CAPZB: variants seen among roughly 807,000 people sequenced by gnomAD.
CAPZB encodes the protein capping actin protein of muscle Z-line subunit beta, also known as F-actin-capping protein subunit beta.
CAPZB carries 2 observed loss-of-function variants against 38.1 expected under a neutral mutation model. That is an observed-to-expected ratio of 0.05 (90% CI 0.02 to 0.17). The LOEUF (loss-of-function observed/expected upper bound fraction) is 0.17. CAPZB is among the 10% of genes least tolerant of loss of function. CAPZB has a pLI of 1.00. For missense variants in CAPZB, 161 were observed against 334.2 expected (o/e 0.48, Z 4.04); for synonymous variants, 107 against 127.4 (o/e 0.84, Z 1.08).
chr1:19,476,992 G>A (rs1338662236), intron 1 of CAPZB, among the ~76,000 whole-genome samples: 1 of 152,198 alleles, frequency 6.6e-6, no homozygotes, highest in Non-Finnish European at 1.5e-5. Context: ...ACTAGCTGGG[G>A]GCCCTTCAGC....
chr1:19,410,549 C>T (rs1197658942), intron 2 of CAPZB, among the ~76,000 whole-genome samples: 1 of 152,154 alleles, frequency 6.6e-6, no homozygotes, highest in African/African-American at 2.4e-5. Context: ...CAACTGAGCC[C>T]GGGTTCCCCA....
At chr1:19,411,098 C>T (rs1237782517) in intron 2 of CAPZB, among the ~76,000 whole-genome samples, 1 of 152,138 alleles carries the variant, frequency 6.6e-6, no homozygotes, top group Non-Finnish European at 1.5e-5. Context: ...AATCCCAGAA[C>T]TTTGGGAGGC....
chr1:19,381,978 A>G (rs1489495878), intron 3 of CAPZB, among the ~76,000 whole-genome samples: 5 of 152,058 alleles, frequency 3.3e-5, no homozygotes. Context: ...GAGGGTGTGG[A>G]GCTGAATTCC....
intron 1 of CAPZB, among the ~76,000 whole-genome samples, chr1:19,449,909 G>C (rs1176155333): frequency 6.6e-6 from 1 of 152,038 alleles, no homozygotes; most frequent in Middle Eastern, 3.4e-3. Context: ...GAGGGGCTGA[G>C]TCAGGAGAAT....
chr1:19,383,146 G>A (rs1380365167), intron 3 of CAPZB, among the ~76,000 whole-genome samples: 2 of 150,892 alleles, frequency 1.3e-5, no homozygotes, highest in Non-Finnish European at 3.0e-5. Flanking sequence ...GAGAGAAAAA[G>A]TCAAAAAAAT....
Position 19,448,827 on chromosome 1 carries a change from G to A in CAPZB, c.4-29077C>T, listed in dbSNP as rs754632513. On this transcript the variant is annotated intron_variant, in intron 1 of 8. Transcript: ENST00000264202. Reference sequence around the variant, plus strand: ...TCCTCCCCCCTCAGATCTAAAGTGCGTGTCACCTTTCTAGGTTCTGGGTCA... The same window carrying A: ...TCCTCCCCCCTCAGATCTAAAGTGCATGTCACCTTTCTAGGTTCTGGGTCA... 2.1e-5 allele frequency: 34 copies of A among 1,612,644 alleles called. 1 individual carries two copies. In the South Asian group the frequency reaches 2.9e-4, roughly 14 times the overall value.
At chr1:19,456,282 A>C (rs956407860) in intron 1 of CAPZB, among the ~76,000 whole-genome samples, 9 of 152,260 alleles carry the variant, frequency 5.9e-5, no homozygotes, top group African/African-American at 2.2e-4. Flanking sequence ...TGAAGAGAGA[A>C]GCAAGAGCTT....
Position 19,454,602 on chromosome 1 carries a change from G to A in CAPZB, c.3+30834C>T, listed in dbSNP as rs58240955. 9.8e-3 allele frequency among the ~76,000 whole-genome samples: 1,499 copies of A among 152,284 alleles called. 59 individuals carry two copies. The East Asian group carries it at 0.12, about 12-fold the overall frequency. On this transcript the variant is annotated intron_variant, in intron 1 of 8. Coordinates refer to ENST00000264202, the MANE Select transcript of CAPZB (RefSeq NM_004930.5). ...TGACAATTGTGGAAACCGAGGCTCA[G>A]TGACCTGAGGGACTTGCCTAGGGCC...
At chr1:19,361,546 G>A (rs1447648957) in intron 4 of CAPZB, among the ~76,000 whole-genome samples, 2 of 152,264 alleles carry the variant, frequency 1.3e-5, no homozygotes, top group Non-Finnish European at 2.9e-5. Flanking sequence ...ACTGCAGGGC[G>A]CACAGACAGC....
chr1:19,386,736 A>T (rs2094206310), intron 2 of CAPZB, among the ~76,000 whole-genome samples: 1 of 152,206 alleles, frequency 6.6e-6, no homozygotes, highest in African/African-American at 2.4e-5. Context: ...GGTGCTTTAG[A>T]ACTCAGCTTG....
rs892192737 is a variant in CAPZB at position 19,350,415 on chromosome 1, C to A, written c.589-5163G>T. On this transcript the variant is annotated intron_variant, in intron 6 of 8. Transcript: ENST00000264202. ...GCACAGCTCCATCCCCAGCACTCTT[C>A]TGGCCTCTGGCATCCTCCTGGTCAC... 4.6e-5 allele frequency among the ~76,000 whole-genome samples: 7 copies of A among 152,394 alleles called. 1 individual carries two copies. The South Asian group carries it at 1.4e-3, about 32-fold the overall frequency.
intron 2 of CAPZB, among the ~76,000 whole-genome samples, chr1:19,405,370 C>T (rs1356332695): frequency 1.3e-5 from 2 of 151,922 alleles, no homozygotes; most frequent in Non-Finnish European, 2.9e-5. Context: ...GCTTTCAGTG[C>T]GTTAGATAAA....
chr1:19,354,269 T>TCACTGA (rs1305724035), intron 6 of CAPZB, among the ~76,000 whole-genome samples: 1 of 152,222 alleles, frequency 6.6e-6, no homozygotes, highest in Non-Finnish European at 1.5e-5. Context: ...CTCACTGAGC[T>TCACTGA]GCTCACTTCT....
At chr1:19,462,233 A>C (rs935104755) in intron 1 of CAPZB, among the ~76,000 whole-genome samples, 3 of 151,976 alleles carry the variant, frequency 2.0e-5, no homozygotes, top group African/African-American at 7.3e-5. Flanking sequence ...CAGGTGGATC[A>C]CGAGGTCAGG....
intron 1 of CAPZB, among the ~76,000 whole-genome samples, chr1:19,485,195 T>TG (rs1334884917): frequency 6.6e-6 from 1 of 151,844 alleles, no homozygotes; most frequent in Non-Finnish European, 1.5e-5. Flanking sequence ...AGGTAGTGAG[T>TG]GGGACTCCAG....
chr1:19,406,996 G>C (rs1199402315), intron 2 of CAPZB, among the ~76,000 whole-genome samples: 2 of 152,172 alleles, frequency 1.3e-5, no homozygotes, highest in Non-Finnish European at 2.9e-5. Context: ...AGCTGAACAG[G>C]ATTGTGCCTT....
chr1:19,400,779 T>C (rs2094299300), intron 2 of CAPZB, among the ~76,000 whole-genome samples: 2 of 152,122 alleles, frequency 1.3e-5, no homozygotes, highest in African/African-American at 2.4e-5. Flanking sequence ...AAAAATCCTA[T>C]GAGGACAAGG....
At chr1:19,340,889 A>G (rs2093924580) in intron 8 of CAPZB, among the ~76,000 whole-genome samples, 1 of 152,050 alleles carries the variant, frequency 6.6e-6, no homozygotes, top group Non-Finnish European at 1.5e-5. Context: ...CTGCTCAAGA[A>G]GAGTGCTACG....
At position 19,339,523 on chromosome 1, in the gene CAPZB, CAG is replaced by C. The variant is rs758486743; in HGVS notation, c.*5_*6del. The C allele has an allele frequency of 2.6e-5, 41 of 1,605,550 alleles. No individual in the cohort carries two copies. Among genetic ancestry groups the C allele is most frequent in the East Asian group, 6.7e-5 (3 of 44,844 alleles). The stretch of plus-strand genomic sequence containing the variant: ...CACGGCGTGTCTGGTTAGCATGAAA[CAG>C]AGGTTTAGCATTGCTGCTTTCTCTT... On this transcript the variant is annotated 3_prime_UTR_variant, in exon 9 of 9. Transcript: ENST00000264202.
Sources: allele counts gnomAD v4.1 joint callset (sites outside exome capture counted in the v4.1 genomes callset), GRCh38; gene constraint gnomAD v4.1.1; transcripts MANE v1.5; gene names NCBI Gene and HGNC (gene_info 2026-07-23, HGNC 2026-07-21).